C16orf74: variants seen among roughly 807,000 people sequenced by gnomAD.
The protein encoded by C16orf74 is uncharacterized protein C16orf74.
Under a neutral mutation model 6.5 loss-of-function variants are expected in C16orf74, and 10 were observed. That is an observed-to-expected ratio of 1.54 (90% CI 0.95 to 2.61). The LOEUF (loss-of-function observed/expected upper bound fraction) is 2.61. Ranked by LOEUF, C16orf74 falls within the 30% of genes most tolerant of loss-of-function variation. The pLI is 0.00. For synonymous variants in C16orf74, 60 were observed against 42.5 expected, an observed-to-expected ratio of 1.41 and a Z score of -1.60; for missense variants, 141 against 105.9, an observed-to-expected ratio of 1.33 and a Z score of -1.45.
rs374677968 is a variant in C16orf74, at chr16:85,710,335, G to A, written c.29-28C>T. The A allele has an allele frequency of 1.9e-4, 272 of 1,463,458 alleles. No individual in the cohort carries two copies. The South Asian group carries it at 2.5e-3, about 14-fold the overall frequency. 90.7% of individuals were successfully genotyped at this position (1,463,458 alleles called of 1,614,324 possible). A position where few individuals can be genotyped will look rare whatever the true frequency, so the allele number is the denominator to read the frequency against. ...GAGAAGCCAGGCGTGGAGCACACAC[G>A]CACGTACACACGACAGAGAGACAGG... On this transcript the variant is annotated intron_variant, in intron 2 of 3. Transcript: ENST00000284245.
chr16:85,743,934 G>C (rs1490230912), intron 1 of C16orf74, among the ~76,000 whole-genome samples: 2 of 151,706 alleles, frequency 1.3e-5, no homozygotes, highest in Non-Finnish European at 2.9e-5. Flanking sequence ...GGCGCCTGTA[G>C]TCCCAGCTAC....
chr16:85,742,144 G>A (rs1456254127), intron 1 of C16orf74, among the ~76,000 whole-genome samples: 2 of 152,154 alleles, frequency 1.3e-5, no homozygotes, highest in Admixed American at 1.3e-4. Context: ...AGGCTGAGGT[G>A]GCTGGATCAC....
chr16:85,727,617 C>T (rs1395638338), intron 2 of C16orf74, among the ~76,000 whole-genome samples: 1 of 149,896 alleles, frequency 6.7e-6, no homozygotes, highest in Non-Finnish European at 1.5e-5. Context: ...CAAGACCAAC[C>T]TGCGCAACAT....
At chr16:85,710,403 C>G in intron 2 of C16orf74, 96 bp from the exon 3 acceptor site, 1 of 1,257,158 alleles carries the variant, frequency 8.0e-7, no homozygotes, top group African/African-American at 1.6e-5. Context: ...CCTCCCTTCA[C>G]TATCACCTGG....
At chr16:85,724,262 C>G (rs1598791229) in intron 2 of C16orf74, among the ~76,000 whole-genome samples, 2 of 152,314 alleles carry the variant, frequency 1.3e-5, no homozygotes, top group South Asian at 4.1e-4. Context: ...GTCCCAGCAC[C>G]TCCCCATCCC....
intron 3 of C16orf74, 91 bp from the exon 4 acceptor site, chr16:85,708,157 G>A (rs1219481724): frequency 1.8e-6 from 2 of 1,093,436 alleles, no homozygotes; most frequent in Non-Finnish European, 2.7e-6. Context: ...TGGGGCCTCT[G>A]GGATTCCTTG....
intron 1 of C16orf74, among the ~76,000 whole-genome samples, chr16:85,743,872 T>C (rs547214319): frequency 1.3e-4 from 20 of 151,676 alleles, no homozygotes; most frequent in Middle Eastern, 6.8e-3. Flanking sequence ...GCTAACACAG[T>C]GAAACCCCGT....
At chr16:85,715,684 G>T (rs149636435) in intron 2 of C16orf74, among the ~76,000 whole-genome samples, 2 of 152,186 alleles carry the variant, frequency 1.3e-5, no homozygotes, top group African/African-American at 4.8e-5. Flanking sequence ...TCTAAAAGCA[G>T]GCATCAGGCA....
chr16:85,717,977 C>T (rs2054041843), intron 2 of C16orf74, among the ~76,000 whole-genome samples: 1 of 152,238 alleles, frequency 6.6e-6, no homozygotes, highest in African/African-American at 2.4e-5. Context: ...CCTGTGCCAG[C>T]TCTTGGTGAA....
chr16:85,733,042 T>C (rs1200802802), intron 2 of C16orf74, among the ~76,000 whole-genome samples: 4 of 152,140 alleles, frequency 2.6e-5, no homozygotes, highest in Non-Finnish European at 5.9e-5. Context: ...ACCTTCCTGA[T>C]CAAGTCCCGG....
chr16:85,727,510 A>C (rs1309446842), intron 2 of C16orf74, among the ~76,000 whole-genome samples: 1 of 152,176 alleles, frequency 6.6e-6, no homozygotes, highest in African/African-American at 2.4e-5. Flanking sequence ...GTGGACATTC[A>C]TTAATAATAA....
chr16:85,715,012 G>C (rs1393393797), intron 2 of C16orf74, among the ~76,000 whole-genome samples: 14 of 151,260 alleles, frequency 9.3e-5, no homozygotes, highest in Non-Finnish European at 1.8e-4. Flanking sequence ...AAAAAATTAG[G>C]CAGGCACGGT....
chr16:85,736,381 C>T (rs979737769), intron 1 of C16orf74, among the ~76,000 whole-genome samples: 5 of 152,124 alleles, frequency 3.3e-5, no homozygotes, highest in African/African-American at 9.7e-5. Flanking sequence ...CCCACCCAGG[C>T]GCACAAGGCC....
At chr16:85,724,527 C>T (rs940359919) in intron 2 of C16orf74, among the ~76,000 whole-genome samples, 6 of 152,156 alleles carry the variant, frequency 3.9e-5, no homozygotes, top group African/African-American at 1.4e-4. Flanking sequence ...GGACAGTGGA[C>T]AGCACGGAAG....
chr16:85,714,617 A>G (rs2054004333), intron 2 of C16orf74, among the ~76,000 whole-genome samples: 1 of 150,820 alleles, frequency 6.6e-6, no homozygotes. Flanking sequence ...ACGGCGTTTC[A>G]CCATATTGGC....
chr16:85,710,138 C>G, intron 3 of C16orf74, 26 bp downstream of exon 3: 1 of 1,399,650 alleles, frequency 7.1e-7, no homozygotes, highest in Non-Finnish European at 9.3e-7. Context: ...GCCGACCCGG[C>G]TTGGCGGTGG....
In C16orf74 at chr16:85,707,963, G is replaced by T. The variant is rs187864191; in HGVS notation, c.*45C>A. ...GCCACGCCCCCGGACACCTGAAGCC[G>T]GGCCGCTGGAGCAGGAGCCAGCCAG... On this transcript the variant is annotated 3_prime_UTR_variant, in exon 4 of 4. Coordinates refer to ENST00000284245, the MANE Select transcript of C16orf74 (RefSeq NM_206967.3). 5.2e-6 allele frequency: 8 copies of T among 1,529,912 alleles called. No individual in the cohort carries two copies. The highest frequency in any genetic ancestry group is 6.2e-6 in the Non-Finnish European group (7 of 1,129,382). 94.8% of individuals were successfully genotyped at this position (1,529,912 alleles called of 1,614,324 possible).
chr16:85,730,102 G>A (rs1323835336), intron 2 of C16orf74, among the ~76,000 whole-genome samples: 2 of 152,166 alleles, frequency 1.3e-5, no homozygotes, highest in African/African-American at 4.8e-5. Flanking sequence ...GAGCCCCTGG[G>A]GGAGCTGAGG....
At chr16:85,736,147 A>C (rs2054242338) in intron 1 of C16orf74, among the ~76,000 whole-genome samples, 1 of 152,170 alleles carries the variant, frequency 6.6e-6, no homozygotes, top group South Asian at 2.1e-4. Flanking sequence ...GAGGTCAGGC[A>C]GGAACAGGTG....
Sources: gnomAD v4.1 joint callset for allele counts (sites outside exome capture counted in the v4.1 genomes callset) on GRCh38, gnomAD v4.1.1 for gene constraint, MANE v1.5 for transcripts, NCBI Gene and HGNC (gene_info 2026-07-23, HGNC 2026-07-21) for gene names.